LRRTM4: variants seen among roughly 807,000 people sequenced by gnomAD.
The protein encoded by LRRTM4 is leucine rich repeat transmembrane neuronal 4.
LRRTM4 carries 25 observed loss-of-function variants against 47.6 expected under a neutral mutation model. The observed-to-expected ratio is 0.53, with a 90% CI of 0.38 to 0.73. The LOEUF is 0.73. LRRTM4 is among the 30% of genes least tolerant of loss of function. The pLI, the probability that LRRTM4 is intolerant of heterozygous loss-of-function variation, is 0.00. For missense variants in LRRTM4, 638 were observed against 713.4 expected (o/e 0.89, Z 1.20); for synonymous variants, 311 against 269.5 (o/e 1.15, Z -1.51).
intron 3 of LRRTM4, among the ~76,000 whole-genome samples, chr2:77,293,447 C>G (rs77933994): frequency 6.6e-6 from 1 of 151,964 alleles, no homozygotes; most frequent in African/African-American, 2.4e-5. Context: ...ATCCCTATAA[C>G]GGAAAACCAG....
chr2:77,013,347 C>A (rs1240478981), intron 3 of LRRTM4, among the ~76,000 whole-genome samples: 3 of 152,114 alleles, frequency 2.0e-5, no homozygotes, highest in Non-Finnish European at 4.4e-5. Context: ...TTGTCATTCT[C>A]CCTCAGCTCG....
chr2:76,837,247 T>C (rs1479084349), intron 3 of LRRTM4, among the ~76,000 whole-genome samples: 1 of 151,428 alleles, frequency 6.6e-6, no homozygotes, highest in African/African-American at 2.4e-5. Context: ...TATCATTTTT[T>C]ATTGCGTCTA....
rs748276642 is a variant in LRRTM4, at chr2:77,345,852, A to ATG, written c.1551+172465_1551+172466insCA. The stretch of plus-strand genomic sequence containing the variant: ...TATATGTGTGTGTATATATATATAT[A>ATG]CACAGACACACACATATTCAAAGAA... On this transcript the variant is annotated intron_variant, in intron 3 of 3. Coordinates refer to ENST00000409884, the MANE Select transcript of LRRTM4 (RefSeq NM_001134745.3). 1.0e-3 allele frequency among the ~76,000 whole-genome samples: 155 copies of ATG among 151,934 alleles called. 2 individuals are homozygous for ATG. Among genetic ancestry groups the ATG allele is most frequent in the Non-Finnish European group, 3.4e-4 (23 of 67,894 alleles).
chr2:76,850,572 G>A (rs557581910), intron 3 of LRRTM4, among the ~76,000 whole-genome samples: 5 of 152,248 alleles, frequency 3.3e-5, no homozygotes, highest in South Asian at 2.1e-4. Flanking sequence ...ATATAAGAGC[G>A]ATTGAGAAAT....
At chr2:76,878,540 A>C (rs1358494184) in intron 3 of LRRTM4, among the ~76,000 whole-genome samples, 1 of 152,090 alleles carries the variant, frequency 6.6e-6, no homozygotes, top group Non-Finnish European at 1.5e-5. Flanking sequence ...GAAAGTTAGA[A>C]GTCTAGTCCA....
intron 3 of LRRTM4, among the ~76,000 whole-genome samples, chr2:77,205,950 C>T (rs1674113127): frequency 6.6e-6 from 1 of 151,940 alleles, no homozygotes; most frequent in South Asian, 2.1e-4. Context: ...ATCCTCCCAC[C>T]TCAGCCTCCC....
intron 3 of LRRTM4, among the ~76,000 whole-genome samples, chr2:76,958,043 A>G (rs1675733658): frequency 1.3e-5 from 2 of 151,818 alleles, no homozygotes; most frequent in African/African-American, 4.8e-5. Flanking sequence ...TTTTGAGACA[A>G]TAAGTTAAGC....
At chr2:77,172,898 G>C (rs916801014) in intron 3 of LRRTM4, among the ~76,000 whole-genome samples, 5 of 152,168 alleles carry the variant, frequency 3.3e-5, no homozygotes, top group Non-Finnish European at 7.3e-5. Context: ...TCCATGTCAT[G>C]CTACATTTTT....
At chr2:77,317,530 G>C (rs1677652236) in intron 3 of LRRTM4, among the ~76,000 whole-genome samples, 1 of 152,050 alleles carries the variant, frequency 6.6e-6, no homozygotes, top group South Asian at 2.1e-4. Flanking sequence ...ATTTTCCCCT[G>C]TTTTTTATTT....
At chr2:77,520,463 G>C (rs929557738) in intron 2 of LRRTM4, among the ~76,000 whole-genome samples, 15 of 152,014 alleles carry the variant, frequency 9.9e-5, no homozygotes, top group African/African-American at 3.6e-4. Context: ...TGAAGCATTG[G>C]ATGAAGACTA....
At chr2:76,899,647 G>C (rs915875867) in intron 3 of LRRTM4, among the ~76,000 whole-genome samples, 2 of 151,990 alleles carry the variant, frequency 1.3e-5, no homozygotes, top group African/African-American at 4.8e-5. Context: ...GCAGGAAAAA[G>C]TAATAGAAAA....
intron 3 of LRRTM4, among the ~76,000 whole-genome samples, chr2:76,935,653 T>C (rs1674921343): frequency 6.6e-6 from 1 of 152,040 alleles, no homozygotes; most frequent in Non-Finnish European, 1.5e-5. Flanking sequence ...CTCTCTGTTA[T>C]TGGTGTATAG....
chr2:77,427,586 G>A (rs1675173600), intron 3 of LRRTM4, among the ~76,000 whole-genome samples: 1 of 152,146 alleles, frequency 6.6e-6, no homozygotes, highest in Non-Finnish European at 1.5e-5. Context: ...AGCAATATGA[G>A]TTTTGCAGAT....
chr2:77,158,604 A>G (rs1039252146), intron 3 of LRRTM4, among the ~76,000 whole-genome samples: 2 of 152,000 alleles, frequency 1.3e-5, no homozygotes, highest in Non-Finnish European at 2.9e-5. Context: ...TAGCTGGACT[A>G]TATTTTTCAT....
chr2:77,189,610 A>G (rs1673607884), intron 3 of LRRTM4, among the ~76,000 whole-genome samples: 1 of 152,056 alleles, frequency 6.6e-6, no homozygotes, highest in Non-Finnish European at 1.5e-5. Context: ...GACAGTCATC[A>G]TCAGAACCCA....
intron 3 of LRRTM4, among the ~76,000 whole-genome samples, chr2:76,857,153 T>C (rs1485914971): frequency 6.6e-6 from 1 of 151,554 alleles, no homozygotes; most frequent in Non-Finnish European, 1.5e-5. Context: ...TTCCTCCTTC[T>C]CCTTGGCCAA....
intron 3 of LRRTM4, among the ~76,000 whole-genome samples, chr2:76,775,023 G>A (rs1032987516): frequency 6.6e-5 from 10 of 152,114 alleles, no homozygotes; most frequent in East Asian, 5.8e-4. Context: ...CTAGTGTGGT[G>A]TCTCTTAGCT....
chr2:76,761,270 C>T (rs984920395), intron 3 of LRRTM4, among the ~76,000 whole-genome samples: 17 of 152,216 alleles, frequency 1.1e-4, no homozygotes, highest in African/African-American at 4.1e-4. Flanking sequence ...TTTTGAGCCT[C>T]CAACTAAACT....
chr2:76,997,028 T>C (rs1677227423), intron 3 of LRRTM4, among the ~76,000 whole-genome samples: 1 of 152,034 alleles, frequency 6.6e-6, no homozygotes, highest in South Asian at 2.1e-4. Flanking sequence ...AAGGACAGGG[T>C]GTTGTCAAGT....
Sources: gnomAD v4.1 joint callset for allele counts (sites outside exome capture counted in the v4.1 genomes callset) on GRCh38, gnomAD v4.1.1 for gene constraint, MANE v1.5 for transcripts, NCBI Gene and HGNC (gene_info 2026-07-23, HGNC 2026-07-21) for gene names.